Variants in MAPKAPK5 observed in about 807,000 individuals in gnomAD.
The protein encoded by MAPKAPK5 is MAPK activated protein kinase 5, also known as MAP kinase-activated protein kinase 5.
A neutral mutation model predicts 65.1 loss-of-function variants in MAPKAPK5; 30 were observed. The observed-to-expected ratio is 0.46, with a 90% CI of 0.34 to 0.63. The LOEUF is 0.63. MAPKAPK5 is among the 20% of genes least tolerant of loss of function. The pLI is 0.01. For missense variants in MAPKAPK5, 433 were observed against 581.4 expected, an observed-to-expected ratio of 0.74 and a Z score of 2.63; for synonymous variants, 179 against 204.6, an observed-to-expected ratio of 0.87 and a Z score of 1.07.
Position 111,901,640 on chromosome 12 carries a change from GAA to G in MAPKAPK5, c.*8580_*8581del, listed in dbSNP as rs1483278033. ...AGCAGAAGTGGCCACAGAAGAAAAA[GAA>G]GAGAAGGAGGAAGAAAAAGAAGAGG... On this transcript the variant is annotated 3_prime_UTR_variant, in exon 14 of 14. Transcript: ENST00000550735. 1.1e-5 allele frequency: 3 copies of G among 270,224 alleles called. No individual in the cohort carries two copies. Among genetic ancestry groups the G allele is most frequent in the South Asian group, 3.7e-5 (1 of 27,380 alleles). 16.7% of individuals were successfully genotyped at this position (270,224 alleles called of 1,614,324 possible).
chr12:111,859,606 C>T (rs2136092060), intron 1 of MAPKAPK5, among the ~76,000 whole-genome samples: 1 of 151,614 alleles, frequency 6.6e-6, no homozygotes, highest in Middle Eastern at 3.4e-3. Flanking sequence ...GTGTCCTACG[C>T]CTGTTATCCC....
intron 1 of MAPKAPK5, among the ~76,000 whole-genome samples, chr12:111,845,483 T>C (rs572002156): frequency 8.6e-4 from 131 of 152,298 alleles, no homozygotes; most frequent in African/African-American, 3.0e-3. Context: ...TAGCCGTGTG[T>C]CTGAGTACGA....
chr12:111,880,583 AGG>A lies in MAPKAPK5; in HGVS notation c.660+57_660+58del. ...CAGATGCAGCCCCTCTCCTTTAGTG[AGG>A]TGTTTGTGGCCCTCTGGGAGTGTGG... is the stretch of plus-strand genomic sequence containing the variant. On this transcript the variant is annotated intron_variant, in intron 8 of 13. Transcript: ENST00000550735. The A allele has an allele frequency of 2.0e-6, 3 of 1,515,302 alleles. No individual in the cohort carries two copies. In the Admixed American group the frequency reaches 5.0e-5, roughly 25 times the overall value. The allele number at this position is 1,515,302 out of a possible 1,614,324, so 93.9% of individuals were successfully genotyped here.
rs772175736 is a variant in MAPKAPK5, at chr12:111,885,973, C to T, written c.906C>T (p.Pro302=). ...RLTIEGVLDH[P]WLNSTEALDN... ...CCATCGAGGGAGTGCTGGACCACCC[C>T]TGGCTCAATTCCACCGAGGCCCTGG... The change falls in exon 10 of 14, where the codon CCC becomes CCT. Residue 302 remains proline (P), a synonymous_variant. Transcript: ENST00000550735. 5 of 1,613,996 alleles carry T rather than the reference C, an allele frequency of 3.1e-6. No homozygotes were observed. The highest frequency in any genetic ancestry group is 4.2e-6 in the Non-Finnish European group (5 of 1,179,888).
In MAPKAPK5 at chr12:111,874,773, C is replaced by CT. The variant is rs34005167; in HGVS notation, c.579+3612dup. On this transcript the variant is annotated intron_variant, in intron 7 of 13. Coordinates refer to ENST00000550735, the MANE Select transcript of MAPKAPK5 (RefSeq NM_003668.4). ...CCACTGCCCCCAGCCATACTAGTGA[C>CT]TTTTTTTTTTTTTTTTTTTGAGATG... Among the ~76,000 whole-genome samples, 663 of 107,682 alleles carry CT rather than the reference C, an allele frequency of 6.2e-3. 10 individuals are homozygous for CT. Among genetic ancestry groups the CT allele is most frequent in the Non-Finnish European group, 7.4e-3 (399 of 54,158 alleles). 70.6% of individuals were successfully genotyped at this position (107,682 alleles called of 152,430 possible).
chr12:111,850,189 C>T (rs768119420), intron 1 of MAPKAPK5, among the ~76,000 whole-genome samples: 3 of 151,946 alleles, frequency 2.0e-5, no homozygotes, highest in Non-Finnish European at 4.4e-5. Context: ...CCACCATGCC[C>T]GCCTAATTTT....
At chr12:111,856,106 T>C (rs111374400) in intron 1 of MAPKAPK5, among the ~76,000 whole-genome samples, 32,154 of 151,758 alleles carry the variant, frequency 0.21, 3,845 homozygotes, top group African/African-American at 0.32. Flanking sequence ...CTGCCCACCT[T>C]GGCCTCCCAA....
intron 7 of MAPKAPK5, among the ~76,000 whole-genome samples, chr12:111,874,777 T>TG (rs1399905154): frequency 2.1e-5 from 3 of 144,034 alleles, no homozygotes; most frequent in Non-Finnish European, 4.6e-5. Flanking sequence ...TAGTGACTTT[T>TG]TTTTTTTTTT....
chr12:111,895,797 G>A lies in MAPKAPK5; in HGVS notation c.*2736G>A, dbSNP rs1334048152. Reference sequence around the variant, plus strand: ...GCCCACCTCGGCCTCCCAAAGTGCTGGGATTACAGGCGTGAGCCACCGTGC... The same window carrying A: ...GCCCACCTCGGCCTCCCAAAGTGCTAGGATTACAGGCGTGAGCCACCGTGC... On this transcript the variant is annotated 3_prime_UTR_variant, in exon 14 of 14. Transcript: ENST00000550735. 6.6e-6 allele frequency: 1 copy of A among 152,064 alleles called. No individual in the cohort carries two copies. The highest frequency in any genetic ancestry group is 6.6e-5 in the Admixed American group (1 of 15,252). 9.4% of individuals were successfully genotyped at this position (152,064 alleles called of 1,614,324 possible).
At chr12:111,881,412 T>C (rs550731795) in intron 8 of MAPKAPK5, among the ~76,000 whole-genome samples, 16 of 129,680 alleles carry the variant, frequency 1.2e-4, no homozygotes, top group Non-Finnish European at 2.6e-4. Flanking sequence ...CCTTTTTTTT[T>C]TTTTTTTTTT....
intron 1 of MAPKAPK5, among the ~76,000 whole-genome samples, chr12:111,846,122 C>T (rs959306617): frequency 6.6e-6 from 1 of 152,122 alleles, no homozygotes; most frequent in African/African-American, 2.4e-5. Flanking sequence ...CCAGCCAATA[C>T]CTATTGGTGG....
In MAPKAPK5 at chr12:111,901,215, T is replaced by TC. The variant is rs1566300002; in HGVS notation, c.*8156dup. ...TGCACCAAACAAAGTCTGCCTGAAT[T>TC]CCGCCTGCACAGATAAAACCCCAGT... On this transcript the variant is annotated 3_prime_UTR_variant, in exon 14 of 14. Coordinates refer to ENST00000550735, the MANE Select transcript of MAPKAPK5 (RefSeq NM_003668.4). The TC allele has an allele frequency of 8.8e-6, 4 of 456,014 alleles. No homozygotes were observed. The highest frequency in any genetic ancestry group is 1.8e-5 in the Non-Finnish European group (4 of 226,792). The allele number at this position is 456,014 out of a possible 1,614,324, so 28.2% of individuals were successfully genotyped here.
Position 111,879,299 on chromosome 12 carries a change from AT to A in MAPKAPK5, c.580-1146del, listed in dbSNP as rs2070106949. On this transcript the variant is annotated intron_variant, in intron 7 of 13. Transcript: ENST00000550735. Reference sequence around the variant, plus strand: ...GAATGGTGTTTTATTTTCGGGTTTAATTAACTCACTTTGTTGTTCTTGTGTA... The same window carrying A: ...GAATGGTGTTTTATTTTCGGGTTTAATAACTCACTTTGTTGTTCTTGTGTA... 2.0e-5 allele frequency: 3 copies of A among 151,392 alleles called. No homozygotes were observed. In the South Asian group the frequency reaches 6.3e-4, roughly 32 times the overall value. The allele number at this position is 151,392 out of a possible 1,614,324, so 9.4% of individuals were successfully genotyped here.
At chr12:111,875,348 G>T (rs964918270) in intron 7 of MAPKAPK5, among the ~76,000 whole-genome samples, 1 of 151,694 alleles carries the variant, frequency 6.6e-6, no homozygotes, top group African/African-American at 2.4e-5. Context: ...TTCCTGTTTT[G>T]TTACCTTATG....
chr12:111,878,600 T>C (rs1015568908), intron 7 of MAPKAPK5, among the ~76,000 whole-genome samples: 2 of 151,972 alleles, frequency 1.3e-5, no homozygotes, highest in Non-Finnish European at 2.9e-5. Flanking sequence ...TTTGTATTTT[T>C]AGTAGAGACG....
rs1405029973 is a variant in MAPKAPK5 at position 111,901,540 on chromosome 12, A to C, written c.*8479A>C. ...ATTATTTGATCTGCTTGCTTAAAAA[A>C]TCACCAGAGGCTGCCCCGGCAGAAG... On this transcript the variant is annotated 3_prime_UTR_variant, in exon 14 of 14. Transcript: ENST00000550735. 2 of 353,892 alleles carry C rather than the reference A, an allele frequency of 5.7e-6. No individual in the cohort carries two copies. Among genetic ancestry groups the C allele is most frequent in the South Asian group, 4.7e-5 (2 of 42,796 alleles). The allele number at this position is 353,892 out of a possible 1,614,324, so 21.9% of individuals were successfully genotyped here.
rs1369249645 is a variant in MAPKAPK5, at chr12:111,893,317, ATTGTTTTATT to A, written c.*258_*267del. ...ATGACAGATGATGCTGTCAAGCAAT[ATTGTTTTATT>A]TGTAATAAAATATACAAAAATCACT... On this transcript the variant is annotated 3_prime_UTR_variant, in exon 14 of 14. Coordinates refer to ENST00000550735, the MANE Select transcript of MAPKAPK5 (RefSeq NM_003668.4). 5.3e-6 allele frequency: 1 copy of A among 189,264 alleles called. No individual in the cohort carries two copies. The highest frequency in any genetic ancestry group is 2.3e-5 in the African/African-American group (1 of 42,622). The allele number at this position is 189,264 out of a possible 1,614,324, so 11.7% of individuals were successfully genotyped here.
In MAPKAPK5 at chr12:111,845,246, C is replaced by G. The variant is rs12228844; in HGVS notation, c.36+2477C>G. On this transcript the variant is annotated intron_variant, in intron 1 of 13. Transcript: ENST00000550735. ...TTCAAGCAATTCTTGTGCCTTGGCC[C>G]TCCGAGTAGCTGGGACTACAGGCGC... 0.055 allele frequency among the ~76,000 whole-genome samples: 8,378 copies of G among 152,032 alleles called. 1,273 individuals carry two copies. In the East Asian group the frequency reaches 0.61, roughly 11 times the overall value.
intron 3 of MAPKAPK5, 107 bp downstream of exon 3, chr12:111,866,338 T>G: frequency 1.1e-6 from 1 of 933,980 alleles, no homozygotes; most frequent in Admixed American, 2.8e-5. Context: ...ATAAAAAGTT[T>G]TATGTCCAAA....
Sources: allele counts gnomAD v4.1 joint callset (sites outside exome capture counted in the v4.1 genomes callset), GRCh38; gene constraint gnomAD v4.1.1; transcripts MANE v1.5; gene names NCBI Gene and HGNC (gene_info 2026-07-23, HGNC 2026-07-21).